CFAP299: variants seen among roughly 807,000 people sequenced by gnomAD.
CFAP299 encodes cilia- and flagella-associated protein 299.
CFAP299 carries 21 observed loss-of-function variants against 27.0 expected under a neutral mutation model. The observed-to-expected ratio is 0.78, with a 90% CI of 0.55 to 1.12. The LOEUF (loss-of-function observed/expected upper bound fraction) is 1.12, where lower values mean the gene tolerates loss of function less well. Ranked by LOEUF, CFAP299 falls within the 50% of genes most tolerant of loss-of-function variation. The pLI, the probability that CFAP299 is intolerant of heterozygous loss-of-function variation, is 0.00. For synonymous variants in CFAP299, 104 were observed against 98.1 expected (o/e 1.06, Z -0.36); for missense variants, 310 against 276.6 (o/e 1.12, Z -0.86).
intron 2 of CFAP299, among the ~76,000 whole-genome samples, chr4:80,546,779 G>A (rs976842207): frequency 6.6e-6 from 1 of 152,224 alleles, no homozygotes; most frequent in Middle Eastern, 3.4e-3. Context: ...AGTTCCCTGA[G>A]ACTCTCTCAG....
rs188372790 is a variant in CFAP299 at position 80,399,269 on chromosome 4, G to A, written c.242+36385G>A. ...GACTGCAAACTAGTTCAACCATTGC[G>A]GAAGACAGTGTTGCGATTCCTCAAG... On this transcript the variant is annotated intron_variant, in intron 2 of 5. Transcript: ENST00000358105. Among the ~76,000 whole-genome samples the A allele has an allele frequency of 3.7e-4, 56 of 152,246 alleles. No homozygotes were observed. In the East Asian group the frequency reaches 8.9e-3, roughly 24 times the overall value.
At chr4:80,447,130 G>GTTTTTTT (rs1553923883) in intron 2 of CFAP299, among the ~76,000 whole-genome samples, 18 of 105,300 alleles carry the variant, frequency 1.7e-4, no homozygotes, top group African/African-American at 2.6e-4. Flanking sequence ...TTTTTTTTTT[G>GTTTTTTT]TTTTTTTTTT....
the CFAP299 span, among the ~76,000 whole-genome samples, chr4:80,322,715 A>T: frequency 6.6e-5 from 10 of 152,332 alleles, no homozygotes; most frequent in East Asian, 1.5e-3. Flanking sequence ...GGCTGAAAGT[A>T]TTCAGATTCA....
intron 3 of CFAP299, among the ~76,000 whole-genome samples, chr4:80,746,292 A>G (rs570874977): frequency 3.8e-4 from 57 of 150,316 alleles, no homozygotes; most frequent in Non-Finnish European, 6.0e-4. Context: ...TCCTTGACAT[A>G]GTAAGCTATT....
chr4:80,873,038 A>T, intron 4 of CFAP299: 2 of 978,458 alleles, frequency 2.0e-6, no homozygotes. Flanking sequence ...AATAAACCCC[A>T]TCCTTTTTGG....
At chr4:80,642,326 G>A (rs959691041) in intron 3 of CFAP299, among the ~76,000 whole-genome samples, 2 of 152,200 alleles carry the variant, frequency 1.3e-5, no homozygotes, top group Non-Finnish European at 2.9e-5. Context: ...AATGAATGGT[G>A]TCTTATTAAT....
chr4:80,763,972 C>A (rs7670650), intron 3 of CFAP299, among the ~76,000 whole-genome samples: 17,513 of 152,136 alleles, frequency 0.12, 2,767 homozygotes, highest in African/African-American at 0.36. Context: ...GGATTAAAGA[C>A]TTAAATGTAA....
At chr4:80,598,792 A>G (rs750501642) in intron 3 of CFAP299, among the ~76,000 whole-genome samples, 9 of 152,206 alleles carry the variant, frequency 5.9e-5, no homozygotes, top group Non-Finnish European at 1.2e-4. Flanking sequence ...AAAGCTATTT[A>G]GTTGTACCTA....
At chr4:80,601,680 G>A (rs956959070) in intron 3 of CFAP299, among the ~76,000 whole-genome samples, 2 of 152,070 alleles carry the variant, frequency 1.3e-5, no homozygotes, top group East Asian at 1.9e-4. Context: ...GGGTCACCAC[G>A]CCACCTCACA....
intron 1 of CFAP299, among the ~76,000 whole-genome samples, chr4:80,342,052 C>A (rs1294898429): frequency 1.3e-5 from 2 of 152,122 alleles, no homozygotes; most frequent in African/African-American, 4.8e-5. Context: ...ATAGACCAAC[C>A]AGAGGAAAGA....
intron 2 of CFAP299, among the ~76,000 whole-genome samples, chr4:80,497,463 G>T (rs1223228238): frequency 6.6e-6 from 1 of 151,912 alleles, no homozygotes; most frequent in African/African-American, 2.4e-5. Context: ...TATTCTAAAG[G>T]TAACTTTTTA....
intron 3 of CFAP299, among the ~76,000 whole-genome samples, chr4:80,716,496 C>T (rs1196423091): frequency 6.6e-6 from 1 of 151,888 alleles, no homozygotes; most frequent in Non-Finnish European, 1.5e-5. Flanking sequence ...GAAAAACACA[C>T]ACAATCAAAT....
intron 2 of CFAP299, among the ~76,000 whole-genome samples, chr4:80,435,568 A>G (rs866014999): frequency 6.6e-6 from 1 of 152,220 alleles, no homozygotes. Flanking sequence ...GCAGGCTACA[A>G]AAACATTGCA....
intron 3 of CFAP299, among the ~76,000 whole-genome samples, chr4:80,628,262 G>A (rs959204830): frequency 6.6e-6 from 1 of 151,908 alleles, no homozygotes; most frequent in East Asian, 1.9e-4. Context: ...AATGCTTTTG[G>A]GAAAACAGGA....
chr4:80,571,368 T>C (rs894761401), intron 2 of CFAP299, among the ~76,000 whole-genome samples: 7 of 151,432 alleles, frequency 4.6e-5, no homozygotes, highest in Admixed American at 1.3e-4. Flanking sequence ...TCCACTTTGC[T>C]AAAGAGAACT....
At chr4:80,674,496 T>A (rs1160634544) in intron 3 of CFAP299, among the ~76,000 whole-genome samples, 1 of 152,142 alleles carries the variant, frequency 6.6e-6, no homozygotes, top group Non-Finnish European at 1.5e-5. Flanking sequence ...GACAATTATG[T>A]GTCTTGGGGT....
rs192252206 is a variant in CFAP299, at chr4:80,853,220, G to A, written c.334-16773G>A. ...TAATTTTTGTATTTTTAGTAGAGACGGGGTTTTCTCATATTGATCAGGCTG... is the reference window on the plus strand; with the variant it reads ...TAATTTTTGTATTTTTAGTAGAGACAGGGTTTTCTCATATTGATCAGGCTG... On this transcript the variant is annotated intron_variant, in intron 3 of 5. Coordinates refer to ENST00000358105, the MANE Select transcript of CFAP299 (RefSeq NM_152770.3). Among the ~76,000 whole-genome samples the A allele has an allele frequency of 4.7e-3, 709 of 152,060 alleles. 1 individual carries two copies. Among genetic ancestry groups the A allele is most frequent in the Middle Eastern group, 0.014 (4 of 292 alleles).
At chr4:80,668,593 TG>T (rs2109989701) in intron 3 of CFAP299, among the ~76,000 whole-genome samples, 1 of 152,294 alleles carries the variant, frequency 6.6e-6, no homozygotes, top group Admixed American at 6.5e-5. Context: ...GAAACTTTGT[TG>T]AAAATGAGTT....
intron 2 of CFAP299, among the ~76,000 whole-genome samples, chr4:80,524,439 C>G (rs1733074418): frequency 6.6e-6 from 1 of 151,724 alleles, no homozygotes; most frequent in Non-Finnish European, 1.5e-5. Flanking sequence ...TGATTTCTCC[C>G]TACTAGATGC....
Sources: allele counts gnomAD v4.1 joint callset (sites outside exome capture counted in the v4.1 genomes callset), GRCh38; gene constraint gnomAD v4.1.1; transcripts MANE v1.5; gene names NCBI Gene and HGNC (gene_info 2026-07-23, HGNC 2026-07-21).